Variants in SLC24A2 observed in about 807,000 individuals in gnomAD.
SLC24A2 encodes the protein solute carrier family 24 member 2.
A neutral mutation model predicts 62.0 loss-of-function variants in SLC24A2; 36 were observed. The ratio of observed to expected loss-of-function variants is 0.58; its 90% CI spans 0.44 to 0.77. The LOEUF (loss-of-function observed/expected upper bound fraction) is 0.77. Ranked by LOEUF, SLC24A2 falls within the 30% of genes least tolerant of loss-of-function variation. The probability of loss-of-function intolerance (pLI) is 0.00; values close to 1 mark genes in which losing one functional copy is unlikely to be tolerated. For missense variants in SLC24A2, 846 were observed against 817.9 expected, an observed-to-expected ratio of 1.03 and a Z score of -0.42; for synonymous variants, 358 against 294.0, an observed-to-expected ratio of 1.22 and a Z score of -2.23.
chr9:20,239,407 C>T, the SLC24A2 span, among the ~76,000 whole-genome samples: 1 of 152,210 alleles, frequency 6.6e-6, no homozygotes, highest in Non-Finnish European at 1.5e-5. Context: ...ACAACTGAGG[C>T]TCTGGTCAGG....
the SLC24A2 span, among the ~76,000 whole-genome samples, chr9:20,271,432 T>C: frequency 6.6e-6 from 1 of 152,178 alleles, no homozygotes; most frequent in Non-Finnish European, 1.5e-5. Flanking sequence ...TTGCCAGATA[T>C]ATGCTGCTGC....
At chr9:19,704,445 A>C (rs1267056458) in intron 2 of SLC24A2, among the ~76,000 whole-genome samples, 2 of 152,214 alleles carry the variant, frequency 1.3e-5, no homozygotes, top group Non-Finnish European at 2.9e-5. Flanking sequence ...AAGAATACAT[A>C]TTAAAATACC....
the SLC24A2 span, among the ~76,000 whole-genome samples, chr9:19,798,598 CCACACACACACA>C: frequency 6.8e-6 from 1 of 146,448 alleles, no homozygotes; most frequent in African/African-American, 2.5e-5. Flanking sequence ...ATCCTTTATA[CCACACACACACA>C]CACACACACA....
At chr9:20,187,135 C>T in the SLC24A2 span, among the ~76,000 whole-genome samples, 2 of 152,212 alleles carry the variant, frequency 1.3e-5, no homozygotes, top group Admixed American at 1.3e-4. Flanking sequence ...CCCATCCATG[C>T]ACCCAGGCTT....
At chr9:20,276,735 TC>T in the SLC24A2 span, among the ~76,000 whole-genome samples, 1 of 152,234 alleles carries the variant, frequency 6.6e-6, no homozygotes, top group Admixed American at 6.5e-5. Context: ...TTTCCATACA[TC>T]CTCTGAAATC....
chr9:19,823,620 TCA>T, the SLC24A2 span, among the ~76,000 whole-genome samples: 1 of 137,760 alleles, frequency 7.3e-6, no homozygotes, highest in African/African-American at 2.6e-5. Context: ...AGAGCAAGAC[TCA>T]GTCTCAAAAA....
rs1052110381 is a variant in SLC24A2, at chr9:19,514,836, T to G, written c.*1317A>C. On this transcript the variant is annotated 3_prime_UTR_variant, in exon 11 of 11. Coordinates refer to ENST00000341998, the MANE Select transcript of SLC24A2 (RefSeq NM_020344.4). The stretch of plus-strand genomic sequence containing the variant: ...AGAAACCTTCCTGGGGTGCACTGAG[T>G]GTGCAAATGCCTTTCCAAGCATCGC... The G allele has an allele frequency of 6.6e-6, 1 of 152,196 alleles. No individual in the cohort carries two copies. The highest frequency in any genetic ancestry group is 1.5e-5 in the Non-Finnish European group (1 of 68,056). 9.4% of individuals were successfully genotyped at this position (152,196 alleles called of 1,614,324 possible).
the SLC24A2 span, among the ~76,000 whole-genome samples, chr9:20,264,505 T>C: frequency 6.6e-6 from 1 of 152,204 alleles, no homozygotes; most frequent in African/African-American, 2.4e-5. Flanking sequence ...CTTGGTGGAA[T>C]GGTAGCATGA....
chr9:19,609,843 A>G (rs1837096955), intron 4 of SLC24A2, among the ~76,000 whole-genome samples: 1 of 152,160 alleles, frequency 6.6e-6, no homozygotes, highest in African/African-American at 2.4e-5. Context: ...ATCATCAGGC[A>G]TTAGATTCTC....
chr9:19,540,530 G>A (rs1311025234), intron 8 of SLC24A2, among the ~76,000 whole-genome samples: 1 of 150,554 alleles, frequency 6.6e-6, no homozygotes, highest in Non-Finnish European at 1.5e-5. Context: ...GTTGAATATT[G>A]GCCCCCACTC....
the SLC24A2 span, among the ~76,000 whole-genome samples, chr9:20,294,024 T>C: frequency 3.9e-5 from 6 of 152,134 alleles, no homozygotes; most frequent in Non-Finnish European, 8.8e-5. Context: ...GGACCCCCAC[T>C]GCTTGTACAT....
intron 4 of SLC24A2, among the ~76,000 whole-genome samples, chr9:19,618,321 C>A (rs1459653886): frequency 6.6e-6 from 1 of 152,132 alleles, no homozygotes; most frequent in Non-Finnish European, 1.5e-5. Flanking sequence ...GTCAAATGGA[C>A]CTCCGTGTAG....
At chr9:19,563,767 TGTAACAAAACTGTTGGTTTTTATAATGA>T (rs1835519324) in intron 7 of SLC24A2, among the ~76,000 whole-genome samples, 1 of 46,472 alleles carries the variant, frequency 2.2e-5, no homozygotes, top group Non-Finnish European at 4.0e-5. Context: ...TCCTTTCATC[TGTAACAAAACTGTTGGTTTTTATAATGA>T]CCCTTCCTTC....
chr9:20,286,539 C>G, the SLC24A2 span, among the ~76,000 whole-genome samples: 1 of 152,202 alleles, frequency 6.6e-6, no homozygotes, highest in Admixed American at 6.5e-5. Flanking sequence ...AAGCAGAACT[C>G]CTGTTTACAG....
chr9:19,572,079 G>A (rs1215239279), intron 7 of SLC24A2, among the ~76,000 whole-genome samples: 2 of 77,958 alleles, frequency 2.6e-5, no homozygotes. Flanking sequence ...AGACCAGCCT[G>A]ATCAACTGAA....
the SLC24A2 span, among the ~76,000 whole-genome samples, chr9:20,102,681 C>CA: frequency 2.2e-4 from 33 of 147,894 alleles, no homozygotes; most frequent in East Asian, 6.1e-4. Flanking sequence ...AAAGACATTT[C>CA]CAAAAAAAAA....
the SLC24A2 span, among the ~76,000 whole-genome samples, chr9:20,248,871 G>A: frequency 1.3e-5 from 2 of 152,182 alleles, no homozygotes; most frequent in East Asian, 1.9e-4. Flanking sequence ...AGGACAATAA[G>A]AGAGTCTCTA....
At chr9:19,966,285 GAATA>G in the SLC24A2 span, among the ~76,000 whole-genome samples, 50 of 152,160 alleles carry the variant, frequency 3.3e-4, no homozygotes, top group Non-Finnish European at 1.3e-4. Context: ...CCACTGGCAT[GAATA>G]ATTAATAATA....
At chr9:19,641,386 A>C (rs1313576839) in intron 2 of SLC24A2, among the ~76,000 whole-genome samples, 1 of 152,250 alleles carries the variant, frequency 6.6e-6, no homozygotes, top group Non-Finnish European at 1.5e-5. Flanking sequence ...TAGTGGGCAT[A>C]ATAAACTTAA....
Sources: gnomAD v4.1 joint callset for allele counts (sites outside exome capture counted in the v4.1 genomes callset) on GRCh38, gnomAD v4.1.1 for gene constraint, MANE v1.5 for transcripts, NCBI Gene and HGNC (gene_info 2026-07-23, HGNC 2026-07-21) for gene names.